DPP10: variants seen among roughly 807,000 people sequenced by gnomAD.
DPP10 encodes the protein inactive dipeptidyl peptidase 10.
In DPP10, 33 loss-of-function variants were observed where a neutral mutation model predicts 120.9. That is an observed-to-expected ratio of 0.27 (90% CI 0.21 to 0.37). The LOEUF is 0.37. DPP10 is among the 10% of genes least tolerant of loss of function. DPP10 has a pLI of 1.00. For missense variants in DPP10, 816 were observed against 942.8 expected (o/e 0.87, Z 1.76); for synonymous variants, 337 against 326.1 (o/e 1.03, Z -0.36).
intron 1 of DPP10, among the ~76,000 whole-genome samples, chr2:114,497,334 T>TATACATACAC (rs1491317695): frequency 8.3e-5 from 2 of 24,188 alleles, no homozygotes; most frequent in African/African-American, 2.2e-4. Context: ...CGTGTATACA[T>TATACATACAC]GTACATATAC....
chr2:114,834,545 T>A (rs1687479399), intron 1 of DPP10, among the ~76,000 whole-genome samples: 1 of 150,458 alleles, frequency 6.6e-6, no homozygotes, highest in African/African-American at 2.5e-5. Context: ...TATGTATATA[T>A]AAGCCATATC....
Position 115,513,394 on chromosome 2 carries a change from T to C in DPP10, c.367-12504T>C, listed in dbSNP as rs543775630. 7.2e-5 allele frequency among the ~76,000 whole-genome samples: 11 copies of C among 152,036 alleles called. 1 individual carries two copies. In the South Asian group the frequency reaches 2.3e-3, roughly 32 times the overall value. On this transcript the variant is annotated intron_variant, in intron 4 of 25. Transcript: ENST00000410059. Reference sequence around the variant, plus strand: ...ATGCAATTATTAATAAGGTAGAACATATATTGGCCATTTATTTAATAATAT... The same window carrying C: ...ATGCAATTATTAATAAGGTAGAACACATATTGGCCATTTATTTAATAATAT...
At chr2:115,185,394 G>A (rs527798992) in intron 1 of DPP10, among the ~76,000 whole-genome samples, 1 of 152,072 alleles carries the variant, frequency 6.6e-6, no homozygotes, top group South Asian at 2.1e-4. Flanking sequence ...CCATTAATGT[G>A]TATTTAGAGC....
intron 1 of DPP10, among the ~76,000 whole-genome samples, chr2:114,714,071 TTGTGTGTGTGTGTGTGTGTG>T: frequency 6.8e-6 from 1 of 147,430 alleles, no homozygotes; most frequent in South Asian, 2.2e-4. Flanking sequence ...GGATTTGTGT[TTGTGTGTGTGTGTGTGTGTG>T]TGTGTGTGTG....
chr2:114,618,331 C>A (rs1468808941), intron 1 of DPP10, among the ~76,000 whole-genome samples: 3 of 152,012 alleles, frequency 2.0e-5, no homozygotes, highest in African/African-American at 7.2e-5. Flanking sequence ...CATTTCAATA[C>A]AGCAATTAAT....
At chr2:115,779,726 C>G (rs965291097) in intron 15 of DPP10, among the ~76,000 whole-genome samples, 5 of 151,856 alleles carry the variant, frequency 3.3e-5, no homozygotes, top group Non-Finnish European at 5.9e-5. Flanking sequence ...GAATTGTACA[C>G]TTAGAAATGC....
chr2:115,400,859 A>T (rs1194797281), intron 3 of DPP10, among the ~76,000 whole-genome samples: 1 of 152,218 alleles, frequency 6.6e-6, no homozygotes, highest in African/African-American at 2.4e-5. Flanking sequence ...TATTTGTAAC[A>T]GCGGGCATTG....
At chr2:115,615,645 C>T (rs62157862) in intron 5 of DPP10, among the ~76,000 whole-genome samples, 2,898 of 152,124 alleles carry the variant, frequency 0.019, 57 homozygotes, top group Non-Finnish European at 0.028. Flanking sequence ...AAATACAAAA[C>T]TAGAGAGCAC....
At position 115,335,007 on chromosome 2, in the gene DPP10, G is replaced by A. The variant is rs1428329774; in HGVS notation, c.176-8810G>A. Among the ~76,000 whole-genome samples, 4 of 151,798 alleles carry A rather than the reference G, an allele frequency of 2.6e-5. No homozygotes were observed. In the East Asian group the frequency reaches 7.7e-4, roughly 29 times the overall value. On this transcript the variant is annotated intron_variant, in intron 2 of 25. Coordinates refer to ENST00000410059, the MANE Select transcript of DPP10 (RefSeq NM_020868.6). ...GACTGGGATATTTACAAAAGACGAG[G>A]TTTTATTGGACTTACAGTTCTGTAT...
chr2:114,643,130 A>T (rs1695837566), intron 1 of DPP10, among the ~76,000 whole-genome samples: 1 of 151,924 alleles, frequency 6.6e-6, no homozygotes, highest in Non-Finnish European at 1.5e-5. Context: ...CTTCTAGGAC[A>T]TGTGAACTTG....
chr2:115,664,712 C>A (rs6716548), intron 5 of DPP10, among the ~76,000 whole-genome samples: 3 of 151,890 alleles, frequency 2.0e-5, no homozygotes, highest in Non-Finnish European at 4.4e-5. Flanking sequence ...TCTCTTACCC[C>A]AACTGGGTTC....
At chr2:114,703,421 CT>C (rs1700503643) in intron 1 of DPP10, among the ~76,000 whole-genome samples, 2 of 152,224 alleles carry the variant, frequency 1.3e-5, no homozygotes, top group African/African-American at 4.8e-5. Context: ...GAGTAAATTA[CT>C]TTTCATTTTC....
Position 114,722,936 on chromosome 2 carries a change from A to T in DPP10, c.60+280098A>T, listed in dbSNP as rs189112054. On this transcript the variant is annotated intron_variant, in intron 1 of 25. Transcript: ENST00000410059. ...GATGAAAACTGGGTAAGAAAAAAAAATTTTTTTCAGTCCAGCTTGTTAAAT... is the reference window on the plus strand; with the variant it reads ...GATGAAAACTGGGTAAGAAAAAAAATTTTTTTTCAGTCCAGCTTGTTAAAT... Among the ~76,000 whole-genome samples the T allele has an allele frequency of 4.3e-3, 650 of 151,998 alleles. 5 individuals are homozygous for T. Among genetic ancestry groups the T allele is most frequent in the African/African-American group, 0.015 (605 of 41,438 alleles).
intron 21 of DPP10, among the ~76,000 whole-genome samples, chr2:115,835,525 G>A (rs895604625): frequency 6.6e-6 from 1 of 152,008 alleles, no homozygotes; most frequent in African/African-American, 2.4e-5. Flanking sequence ...CTTACACAAG[G>A]GAAACTTCCA....
At chr2:114,921,845 T>A (rs1002282286) in intron 1 of DPP10, among the ~76,000 whole-genome samples, 10 of 152,202 alleles carry the variant, frequency 6.6e-5, no homozygotes, top group Admixed American at 1.3e-4. Flanking sequence ...AATATAAGCA[T>A]GAATGAATGA....
intron 1 of DPP10, among the ~76,000 whole-genome samples, chr2:114,942,338 TAC>T (rs3060050): frequency 0.1 from 12,594 of 121,670 alleles, 865 homozygotes; most frequent in East Asian, 0.29. Context: ...CATATATATA[TAC>T]GTATATATAC....
intron 1 of DPP10, among the ~76,000 whole-genome samples, chr2:114,930,015 T>C (rs1695951580): frequency 6.6e-6 from 1 of 152,198 alleles, no homozygotes; most frequent in Admixed American, 6.5e-5. Context: ...CAGGGAGCAG[T>C]ATCCCAGGGA....
At chr2:115,268,452 C>T (rs1456505738) in intron 1 of DPP10, among the ~76,000 whole-genome samples, 3 of 152,140 alleles carry the variant, frequency 2.0e-5, no homozygotes, top group East Asian at 3.9e-4. Flanking sequence ...GAGAAAGAAA[C>T]CATCATGCGA....
intron 3 of DPP10, among the ~76,000 whole-genome samples, chr2:115,408,976 A>G (rs1392598409): frequency 6.6e-6 from 1 of 152,274 alleles, no homozygotes; most frequent in African/African-American, 2.4e-5. Context: ...AAGAATGAAA[A>G]AGAAAGTAGA....
Sources: gnomAD v4.1 joint callset for allele counts (sites outside exome capture counted in the v4.1 genomes callset) on GRCh38, gnomAD v4.1.1 for gene constraint, MANE v1.5 for transcripts, NCBI Gene and HGNC (gene_info 2026-07-23, HGNC 2026-07-21) for gene names.